KPNA1: variants seen among roughly 807,000 people sequenced by gnomAD.
The protein encoded by KPNA1 is karyopherin subunit alpha 1.
Under a neutral mutation model 70.5 loss-of-function variants are expected in KPNA1, and 10 were observed. That is an observed-to-expected ratio of 0.14 (90% CI 0.09 to 0.24). The LOEUF (loss-of-function observed/expected upper bound fraction) is 0.24, where lower values mean the gene tolerates loss of function less well. Among genes scored for constraint, KPNA1 ranks in the 10% least tolerant of loss-of-function variants. The pLI is 1.00. For synonymous variants in KPNA1, 192 were observed against 221.9 expected (o/e 0.87, Z 1.20); for missense variants, 397 against 637.9 (o/e 0.62, Z 4.07).
intron 2 of KPNA1, chr3:122,483,190 T>C (rs1002413555): frequency 6.6e-6 from 1 of 152,490 alleles, no homozygotes; most frequent in Non-Finnish European, 1.5e-5. Context: ...AACTAAAGAT[T>C]TACCTACCTA....
At chr3:122,499,257 C>T (rs1191977074) in intron 1 of KPNA1, among the ~76,000 whole-genome samples, 2 of 152,182 alleles carry the variant, frequency 1.3e-5, no homozygotes, top group Admixed American at 6.5e-5. Context: ...ACACCCCTGT[C>T]TTATGCTAGA....
intron 2 of KPNA1, among the ~76,000 whole-genome samples, chr3:122,481,149 ATACTG>A (rs1281704813): frequency 1.3e-5 from 2 of 152,254 alleles, no homozygotes; most frequent in African/African-American, 2.4e-5. Context: ...CACTCTCAGT[ATACTG>A]TACTAAGTGC....
chr3:122,433,830 T>C (rs2075948035), intron 11 of KPNA1, 42 bp from the exon 12 acceptor site: 3 of 1,466,924 alleles, frequency 2.0e-6, no homozygotes, highest in Admixed American at 4.3e-5. Context: ...ACTGTGAGAT[T>C]TATAAAAATA....
chr3:122,489,047 T>A (rs2076663742), intron 2 of KPNA1, among the ~76,000 whole-genome samples: 1 of 131,204 alleles, frequency 7.6e-6, no homozygotes, highest in African/African-American at 2.9e-5. Flanking sequence ...CTTGTGGGTT[T>A]TTTTGCGTGC....
chr3:122,465,770 C>T (rs1281914747), intron 3 of KPNA1, among the ~76,000 whole-genome samples: 3 of 152,296 alleles, frequency 2.0e-5, no homozygotes, highest in African/African-American at 2.4e-5. Flanking sequence ...GGGGTAGTGG[C>T]GCACGCCTGT....
intron 1 of KPNA1, among the ~76,000 whole-genome samples, chr3:122,513,725 G>A (rs1020158992): frequency 5.9e-5 from 9 of 152,060 alleles, no homozygotes; most frequent in Admixed American, 1.3e-4. Context: ...TAAGAAAAAA[G>A]GGTGAAATTC....
At chr3:122,447,855 C>T (rs1249325387) in intron 9 of KPNA1, among the ~76,000 whole-genome samples, 1 of 152,004 alleles carries the variant, frequency 6.6e-6, no homozygotes, top group Non-Finnish European at 1.5e-5. Context: ...GTGCAAAAAT[C>T]ACAAGCATTC....
chr3:122,510,181 G>T (rs534916068), intron 1 of KPNA1, among the ~76,000 whole-genome samples: 1 of 152,260 alleles, frequency 6.6e-6, no homozygotes, highest in South Asian at 2.1e-4. Context: ...AAGATGTCAG[G>T]AAGTTTTTGT....
intron 1 of KPNA1, among the ~76,000 whole-genome samples, chr3:122,509,655 T>C (rs1472023555): frequency 6.6e-6 from 1 of 152,232 alleles, no homozygotes; most frequent in Non-Finnish European, 1.5e-5. Flanking sequence ...CTACATATTT[T>C]ACAATGTTTC....
chr3:122,431,805 CT>C (rs199643020), intron 12 of KPNA1, among the ~76,000 whole-genome samples: 330 of 144,386 alleles, frequency 2.3e-3, no homozygotes, highest in Middle Eastern at 3.5e-3. Flanking sequence ...TCTTCTTCTT[CT>C]TTTTTTTTTT....
At chr3:122,444,579 C>T (rs1223650965) in intron 9 of KPNA1, among the ~76,000 whole-genome samples, 2 of 152,236 alleles carry the variant, frequency 1.3e-5, no homozygotes, top group Non-Finnish European at 2.9e-5. Context: ...GCCGGTCCTT[C>T]CATTCAGGGT....
intron 2 of KPNA1, among the ~76,000 whole-genome samples, chr3:122,495,507 T>TA (rs2076749001): frequency 6.6e-6 from 1 of 152,058 alleles, no homozygotes; most frequent in Admixed American, 6.5e-5. Context: ...CTCTAACAAA[T>TA]AAAATACTGA....
chr3:122,454,050 T>C (rs1406145820), intron 5 of KPNA1, 49 bp from the exon 6 acceptor site: 3 of 1,350,086 alleles, frequency 2.2e-6, no homozygotes, highest in Non-Finnish European at 1.0e-6. Context: ...TGTAAAAGTT[T>C]GTTTACTTAT....
chr3:122,513,287 C>A (rs377595478), intron 1 of KPNA1, among the ~76,000 whole-genome samples: 1 of 152,150 alleles, frequency 6.6e-6, no homozygotes, highest in South Asian at 2.1e-4. Flanking sequence ...AAGCATTTAA[C>A]ACAATACCTG....
intron 2 of KPNA1, among the ~76,000 whole-genome samples, chr3:122,478,916 A>AG (rs2076537765): frequency 6.7e-6 from 1 of 150,094 alleles, no homozygotes; most frequent in Admixed American, 6.6e-5. Context: ...AAAAAAAAAA[A>AG]AAAAGAACTA....
intron 2 of KPNA1, among the ~76,000 whole-genome samples, chr3:122,468,168 A>G (rs2076402374): frequency 1.3e-5 from 2 of 152,220 alleles, no homozygotes; most frequent in Non-Finnish European, 2.9e-5. Context: ...GATATCTCAG[A>G]AAGAAAAACC....
At chr3:122,435,513 T>A (rs1235002648) in intron 11 of KPNA1, among the ~76,000 whole-genome samples, 1 of 152,204 alleles carries the variant, frequency 6.6e-6, no homozygotes, top group Non-Finnish European at 1.5e-5. Flanking sequence ...TTAAAGCCAA[T>A]CGTGCTCAGC....
intron 9 of KPNA1, chr3:122,442,732 T>C (rs998000585): frequency 6.6e-6 from 1 of 152,236 alleles, no homozygotes; most frequent in Non-Finnish European, 1.5e-5. Context: ...TTAAGGGTCC[T>C]ATTTTTCCCT....
At chr3:122,481,676 G>A (rs532857621) in intron 2 of KPNA1, among the ~76,000 whole-genome samples, 3 of 152,358 alleles carry the variant, frequency 2.0e-5, no homozygotes, top group Admixed American at 6.5e-5. Flanking sequence ...ATTGTACAGC[G>A]TGTGAATTAT....
Sources: allele counts gnomAD v4.1 joint callset (sites outside exome capture counted in the v4.1 genomes callset), GRCh38; gene constraint gnomAD v4.1.1; transcripts MANE v1.5; gene names NCBI Gene and HGNC (gene_info 2026-07-23, HGNC 2026-07-21).